The following TMEM196 variants were observed in gnomAD, a reference collection of about 807,000 sequenced individuals.
The protein encoded by TMEM196 is transmembrane protein 196.
In TMEM196, 17 loss-of-function variants were observed where a neutral mutation model predicts 20.0. The ratio of observed to expected loss-of-function variants is 0.85; its 90% CI spans 0.58 to 1.27. The LOEUF is 1.27. Ranked by LOEUF, TMEM196 falls within the 50% of genes most tolerant of loss-of-function variation. TMEM196 has a pLI of 0.00. For missense variants in TMEM196, 267 were observed against 223.0 expected (o/e 1.20, Z -1.26); for synonymous variants, 113 against 88.9 (o/e 1.27, Z -1.52).
intron 1 of TMEM196, among the ~76,000 whole-genome samples, chr7:19,765,175 G>A (rs1471326799): frequency 6.6e-6 from 1 of 152,090 alleles, no homozygotes; most frequent in Non-Finnish European, 1.5e-5. Flanking sequence ...AATAAATCAT[G>A]TCTAGAATTA....
chr7:19,743,922 A>C (rs545921743), intron 1 of TMEM196, among the ~76,000 whole-genome samples: 97 of 152,292 alleles, frequency 6.4e-4, no homozygotes, highest in African/African-American at 2.3e-3. Context: ...AAAAAATCTA[A>C]AATAAGATCT....
intron 1 of TMEM196, 73 bp downstream of exon 1, chr7:19,772,477 G>T (rs1785922855): frequency 1.4e-6 from 2 of 1,383,210 alleles, no homozygotes; most frequent in Non-Finnish European, 1.9e-6. Context: ...ACTAATGCGC[G>T]CACCCTGACC....
intron 1 of TMEM196, among the ~76,000 whole-genome samples, chr7:19,749,820 C>G (rs1335854993): frequency 6.6e-6 from 1 of 152,154 alleles, no homozygotes; most frequent in Non-Finnish European, 1.5e-5. Context: ...TAAGCTCAGC[C>G]CGCTGCAGTG....
intron 2 of TMEM196, among the ~76,000 whole-genome samples, chr7:19,726,454 T>G (rs992287326): frequency 2.0e-5 from 3 of 152,226 alleles, no homozygotes; most frequent in African/African-American, 7.2e-5. Flanking sequence ...CTTTAGGGAC[T>G]CCTATGAACT....
At chr7:19,748,397 C>G (rs760300703) in intron 1 of TMEM196, among the ~76,000 whole-genome samples, 24 of 151,346 alleles carry the variant, frequency 1.6e-4, no homozygotes, top group Admixed American at 1.4e-3. Flanking sequence ...TTACAATAAT[C>G]GAGGAACTTT....
At chr7:19,752,624 T>A (rs754831834) in intron 1 of TMEM196, among the ~76,000 whole-genome samples, 4 of 151,406 alleles carry the variant, frequency 2.6e-5, no homozygotes, top group Non-Finnish European at 4.4e-5. Context: ...TTTCTTTCTT[T>A]CTTTTTTTGA....
rs116997067 is a variant in TMEM196 at position 19,745,717 on chromosome 7, T to C, written c.148-16279A>G. 7.2e-3 allele frequency among the ~76,000 whole-genome samples: 1,063 copies of C among 147,948 alleles called. 3 individuals are homozygous for C. Among genetic ancestry groups the C allele is most frequent in the Non-Finnish European group, 0.01 (694 of 67,228 alleles). ...TAATTCATCTAATATGCCGGCCCTG[T>C]TCCATCCCACATCCTGTTGGAGGCA... is the stretch of plus-strand genomic sequence containing the variant. On this transcript the variant is annotated intron_variant, in intron 1 of 4. Coordinates refer to ENST00000405844, the MANE Select transcript of TMEM196 (RefSeq NM_001363562.2).
At chr7:19,760,547 G>A (rs1469424971) in intron 1 of TMEM196, among the ~76,000 whole-genome samples, 1 of 151,604 alleles carries the variant, frequency 6.6e-6, no homozygotes, top group African/African-American at 2.4e-5. Flanking sequence ...TTTTGGTAGA[G>A]CCGAGGTTTC....
At chr7:19,753,520 T>A (rs1785073910) in intron 1 of TMEM196, among the ~76,000 whole-genome samples, 1 of 152,194 alleles carries the variant, frequency 6.6e-6, no homozygotes, top group South Asian at 2.1e-4. Flanking sequence ...TTGTCGAATC[T>A]GCATCTATAA....
chr7:19,741,680 A>G (rs1018195464), intron 1 of TMEM196, among the ~76,000 whole-genome samples: 8 of 152,152 alleles, frequency 5.3e-5, no homozygotes, highest in Admixed American at 3.3e-4. Context: ...TTTCTACATA[A>G]AAGTCACTGA....
At chr7:19,735,831 C>A (rs942735196) in intron 1 of TMEM196, among the ~76,000 whole-genome samples, 1 of 152,116 alleles carries the variant, frequency 6.6e-6, no homozygotes, top group Non-Finnish European at 1.5e-5. Flanking sequence ...CACTGAAATT[C>A]TCTAGTTATT....
At position 19,721,000 on chromosome 7, in the gene TMEM196, A is replaced by T. The variant is rs560198436; in HGVS notation, c.*1128T>A. The T allele has an allele frequency of 2.0e-5, 3 of 152,012 alleles. No homozygotes were observed. The highest frequency in any genetic ancestry group is 2.0e-4 in the Admixed American group (3 of 15,250). The allele number at this position is 152,012 out of a possible 1,614,324, so 9.4% of individuals were successfully genotyped here. A position where few individuals can be genotyped will look rare whatever the true frequency, so the allele number is the denominator to read the frequency against. ...TATGTCATTAAAGTCATGTTCGTTT[A>T]TAAATTAATTTTAATTGCTATACAT... On this transcript the variant is annotated 3_prime_UTR_variant, in exon 5 of 5. Transcript: ENST00000405844.
At chr7:19,725,480 T>A (rs765684510) in intron 3 of TMEM196, 34 bp downstream of exon 3, 1 of 1,582,920 alleles carries the variant, frequency 6.3e-7, no homozygotes, top group Non-Finnish European at 8.6e-7. Context: ...CTTCATCATG[T>A]GCTAGCAGTG....
chr7:19,729,537 T>G (rs1487163320), intron 1 of TMEM196, 99 bp from the exon 2 acceptor site: 1 of 1,082,206 alleles, frequency 9.2e-7, no homozygotes, highest in Non-Finnish European at 1.3e-6. Context: ...CCAGGGAAGA[T>G]AGAACATTTT....
chr7:19,732,356 C>T (rs1322746848), intron 1 of TMEM196, among the ~76,000 whole-genome samples: 1 of 152,056 alleles, frequency 6.6e-6, no homozygotes, highest in East Asian at 1.9e-4. Flanking sequence ...GGGCGGATCA[C>T]AAGGTCAGGA....
chr7:19,722,856 T>A (rs1417917558), intron 4 of TMEM196, among the ~76,000 whole-genome samples: 1 of 152,170 alleles, frequency 6.6e-6, no homozygotes, highest in Non-Finnish European at 1.5e-5. Flanking sequence ...AATTCATATG[T>A]TTTGTTAAAT....
intron 2 of TMEM196, among the ~76,000 whole-genome samples, chr7:19,727,833 G>A (rs1784054932): frequency 6.6e-6 from 1 of 152,000 alleles, no homozygotes; most frequent in South Asian, 2.1e-4. Context: ...TCTTATCCAG[G>A]AATTAAAATG....
At chr7:19,758,165 T>C (rs1015266155) in intron 1 of TMEM196, among the ~76,000 whole-genome samples, 1 of 152,172 alleles carries the variant, frequency 6.6e-6, no homozygotes, top group Non-Finnish European at 1.5e-5. Flanking sequence ...AAAAACCTTC[T>C]TGAAGGCAAT....
intron 1 of TMEM196, among the ~76,000 whole-genome samples, chr7:19,735,663 G>T (rs1174042566): frequency 2.6e-5 from 4 of 152,144 alleles, no homozygotes; most frequent in Admixed American, 1.3e-4. Flanking sequence ...TATAAGCAAT[G>T]GTTCTATTAG....
Sources: gnomAD v4.1 joint callset for allele counts (sites outside exome capture counted in the v4.1 genomes callset) on GRCh38, gnomAD v4.1.1 for gene constraint, MANE v1.5 for transcripts, NCBI Gene and HGNC (gene_info 2026-07-23, HGNC 2026-07-21) for gene names.